Variants in L3MBTL4 observed in about 807,000 individuals in gnomAD.
The protein encoded by L3MBTL4 is lethal(3)malignant brain tumor-like protein 4.
In L3MBTL4, 70 loss-of-function variants were observed where a neutral mutation model predicts 84.5. That is an observed-to-expected ratio of 0.83 (90% CI 0.68 to 1.01). The LOEUF (loss-of-function observed/expected upper bound fraction) is 1.01. Among genes scored for constraint, L3MBTL4 ranks in the 50% least tolerant of loss-of-function variants. The pLI is 0.00. For missense variants in L3MBTL4, 715 were observed against 754.8 expected (o/e 0.95, Z 0.62); for synonymous variants, 274 against 259.8 (o/e 1.05, Z -0.52).
At chr18:6,039,292 T>G (rs903206407) in intron 16 of L3MBTL4, among the ~76,000 whole-genome samples, 1 of 152,078 alleles carries the variant, frequency 6.6e-6, no homozygotes, top group African/African-American at 2.4e-5. Flanking sequence ...GGATTGCCTG[T>G]GATTAAAACA....
intron 17 of L3MBTL4, among the ~76,000 whole-genome samples, chr18:5,968,928 G>A (rs896064127): frequency 9.9e-5 from 15 of 152,258 alleles, no homozygotes; most frequent in Non-Finnish European, 1.3e-4. Context: ...TGCCATGAGT[G>A]TGCCTGGATC....
rs567043560 is a variant in L3MBTL4, at chr18:6,038,339, C to T, written c.1444+42542G>A. Among the ~76,000 whole-genome samples the T allele has an allele frequency of 6.8e-5, 10 of 148,104 alleles. No individual in the cohort carries two copies. The Middle Eastern group carries it at 0.015, about 223-fold the overall frequency. ...TGCAATCTCGGCTCACTGCAAGCTC[C>T]GCCTCTCGGGTTCACGCCATTCTCC... On this transcript the variant is annotated intron_variant, in intron 16 of 18. Transcript: ENST00000317931.
chr18:5,995,615 T>C (rs535611349), intron 16 of L3MBTL4, among the ~76,000 whole-genome samples: 3 of 152,328 alleles, frequency 2.0e-5, no homozygotes, highest in African/African-American at 7.2e-5. Context: ...CGACCAAGAA[T>C]GAGCCTTCGC....
intron 12 of L3MBTL4, among the ~76,000 whole-genome samples, chr18:6,202,604 G>A (rs934631621): frequency 7.2e-5 from 11 of 152,070 alleles, no homozygotes; most frequent in African/African-American, 2.4e-4. Context: ...AATGGAGAGA[G>A]GTAAGGAGAC....
At chr18:6,107,799 A>C (rs1355169756) in intron 14 of L3MBTL4, among the ~76,000 whole-genome samples, 1 of 152,206 alleles carries the variant, frequency 6.6e-6, no homozygotes, top group African/African-American at 2.4e-5. Context: ...CTGAAGCAGA[A>C]GATAGATGCA....
chr18:5,969,544 G>T lies in L3MBTL4; in HGVS notation c.1463C>A (p.Ala488Glu), dbSNP rs201367172. The T allele has an allele frequency of 6.2e-7, 1 of 1,608,282 alleles. No homozygotes were observed. Among genetic ancestry groups the T allele is most frequent in the Non-Finnish European group, 8.5e-7 (1 of 1,176,876 alleles). The change falls in exon 17 of 19, where the codon GCG (alanine) becomes GAG (glutamate). Residue 488 changes from alanine to glutamate, a missense_variant. Coordinates refer to ENST00000317931, the MANE Select transcript of L3MBTL4 (RefSeq NM_001330559.2). ...NLFREYSVEQ[A>E]QQVLHQSVSM... ...CACTGACTGGTGAAGCACCTGCTGCGCCTGCTCCACCGAGTATTCTGTAAG... is the reference window on the plus strand; with the variant it reads ...CACTGACTGGTGAAGCACCTGCTGCTCCTGCTCCACCGAGTATTCTGTAAG...
rs879039363 is a variant in L3MBTL4, at chr18:6,244,673, G to T, written c.220-85C>A. The stretch of plus-strand genomic sequence containing the variant: ...ATATTTGGTGTCACCTCTAGGTGAA[G>T]TCTAAAACAATTGAACTCATAGAAA... On this transcript the variant is annotated intron_variant, in intron 5 of 18. Coordinates refer to ENST00000317931, the MANE Select transcript of L3MBTL4 (RefSeq NM_001330559.2). The T allele has an allele frequency of 3.0e-4, 274 of 912,002 alleles. 3 individuals are homozygous for T. The South Asian group carries it at 3.9e-3, about 13-fold the overall frequency. 56.5% of individuals were successfully genotyped at this position (912,002 alleles called of 1,614,324 possible).
chr18:6,157,415 A>T (rs1313104084), intron 13 of L3MBTL4, among the ~76,000 whole-genome samples: 1 of 152,236 alleles, frequency 6.6e-6, no homozygotes, highest in African/African-American at 2.4e-5. Flanking sequence ...AATCTAAGTG[A>T]ATTTCCATCT....
chr18:6,286,841 C>G (rs960751297), intron 4 of L3MBTL4, among the ~76,000 whole-genome samples: 1 of 152,116 alleles, frequency 6.6e-6, no homozygotes, highest in African/African-American at 2.4e-5. Context: ...ATCTGGGAGT[C>G]GGCTGTGAAG....
intron 1 of L3MBTL4, among the ~76,000 whole-genome samples, chr18:6,391,197 T>C (rs1188070318): frequency 6.6e-6 from 1 of 152,116 alleles, no homozygotes; most frequent in Non-Finnish European, 1.5e-5. Context: ...AGTCAAGAAA[T>C]GTGACACATC....
Position 6,386,967 on chromosome 18 carries a change from G to C in L3MBTL4, c.-91+27834C>G, listed in dbSNP as rs549757477. ...CTGAAGAGTCTGTAGCAGTGATCCA[G>C]GTGAGAGAGGATGGTGGCTTGGGGG... is the stretch of plus-strand genomic sequence containing the variant. On this transcript the variant is annotated intron_variant, in intron 1 of 18. Transcript: ENST00000317931. Among the ~76,000 whole-genome samples the C allele has an allele frequency of 2.6e-5, 4 of 152,332 alleles. 1 individual carries two copies. The highest frequency in any genetic ancestry group is 9.6e-5 in the African/African-American group (4 of 41,574).
intron 1 of L3MBTL4, among the ~76,000 whole-genome samples, chr18:6,330,856 G>T (rs936707834): frequency 1.2e-4 from 19 of 152,088 alleles, no homozygotes; most frequent in Admixed American, 4.6e-4. Flanking sequence ...AAATCTTTTT[G>T]CAGTTACTAA....
chr18:6,077,438 A>G (rs1359266267), intron 16 of L3MBTL4, among the ~76,000 whole-genome samples: 1 of 152,180 alleles, frequency 6.6e-6, no homozygotes, highest in Non-Finnish European at 1.5e-5. Context: ...TTATTGCGAT[A>G]TATGTTTACG....
At chr18:6,308,555 C>T (rs982115221) in intron 3 of L3MBTL4, among the ~76,000 whole-genome samples, 8 of 152,042 alleles carry the variant, frequency 5.3e-5, no homozygotes, top group African/African-American at 1.9e-4. Flanking sequence ...CACAGTAGGG[C>T]ACTGTTAAAA....
chr18:6,157,299 A>C (rs1239640289), intron 13 of L3MBTL4, among the ~76,000 whole-genome samples: 1 of 152,182 alleles, frequency 6.6e-6, no homozygotes, highest in Non-Finnish European at 1.5e-5. Flanking sequence ...AAAATGTGCT[A>C]TTACCTGGTT....
At chr18:6,166,710 C>T (rs878857305) in intron 13 of L3MBTL4, among the ~76,000 whole-genome samples, 3 of 151,780 alleles carry the variant, frequency 2.0e-5, no homozygotes, top group Admixed American at 6.6e-5. Context: ...GCACTAAATG[C>T]CCACAAGAGA....
chr18:6,119,899 A>G (rs951304019), intron 14 of L3MBTL4, among the ~76,000 whole-genome samples: 1 of 152,228 alleles, frequency 6.6e-6, no homozygotes, highest in African/African-American at 2.4e-5. Context: ...TAAAGGAAGC[A>G]AAAACAGACC....
At chr18:6,389,947 G>C (rs2054977101) in intron 1 of L3MBTL4, among the ~76,000 whole-genome samples, 1 of 152,080 alleles carries the variant, frequency 6.6e-6, no homozygotes, top group Admixed American at 6.6e-5. Flanking sequence ...AGAACAAATG[G>C]ACTTAACTGG....
At chr18:6,396,051 A>C (rs1427250159) in intron 1 of L3MBTL4, 1 of 152,230 alleles carries the variant, frequency 6.6e-6, no homozygotes, top group East Asian at 1.9e-4. Context: ...AGGTGAGAAA[A>C]AAAATAAGAA....
Sources: gnomAD v4.1 joint callset for allele counts (sites outside exome capture counted in the v4.1 genomes callset) on GRCh38, gnomAD v4.1.1 for gene constraint, MANE v1.5 for transcripts, NCBI Gene and HGNC (gene_info 2026-07-23, HGNC 2026-07-21) for gene names.